FCF1: variants seen among roughly 807,000 people sequenced by gnomAD.
FCF1 encodes the protein FCF1 rRNA-processing protein.
In FCF1, 17 loss-of-function variants were observed where a neutral mutation model predicts 32.5. The ratio of observed to expected loss-of-function variants is 0.52; its 90% CI spans 0.36 to 0.78. The LOEUF (loss-of-function observed/expected upper bound fraction) is 0.78, where lower values mean the gene tolerates loss of function less well. FCF1 is among the 30% of genes least tolerant of loss of function. FCF1 has a pLI of 0.00. For missense variants in FCF1, 201 were observed against 241.1 expected (o/e 0.83, Z 1.10); for synonymous variants, 84 against 78.4 (o/e 1.07, Z -0.38).
At chr14:74,733,678 G>C (rs1194348955) in intron 6 of FCF1, among the ~76,000 whole-genome samples, 1 of 152,118 alleles carries the variant, frequency 6.6e-6, no homozygotes, top group African/African-American at 2.4e-5. Context: ...CCAAGATCTA[G>C]GGAAAGGAGG....
At chr14:74,715,680 T>C in intron 3 of FCF1, 2 of 528,650 alleles carry the variant, frequency 3.8e-6, no homozygotes, top group Non-Finnish European at 6.6e-6. Flanking sequence ...CTACTTTTGC[T>C]AGAGGAAGAG....
rs1424873967 is a variant in FCF1 at position 74,723,431 on chromosome 14, T to C, written c.365+87T>C. 1.0e-5 allele frequency: 10 copies of C among 996,334 alleles called. No homozygotes were observed. In the East Asian group the frequency reaches 2.6e-4, roughly 26 times the overall value. 61.7% of individuals were successfully genotyped at this position (996,334 alleles called of 1,614,324 possible). A position where few individuals can be genotyped will look rare whatever the true frequency, so the allele number is the denominator to read the frequency against. ...GTTTAAAGATTTCTTGGCCAGTTAG[T>C]TGTGAAAATCATACAAAACTATTTA... On this transcript the variant is annotated intron_variant, in intron 5 of 7. Transcript: ENST00000341162.
intron 5 of FCF1, among the ~76,000 whole-genome samples, chr14:74,730,206 C>CTT (rs869067896): frequency 3.5e-4 from 38 of 109,356 alleles, no homozygotes; most frequent in East Asian, 5.1e-4. Context: ...TGTGTATATG[C>CTT]TTTTTTTTTT....
intron 4 of FCF1, among the ~76,000 whole-genome samples, chr14:74,718,298 A>G (rs1273226397): frequency 1.3e-5 from 2 of 152,224 alleles, no homozygotes; most frequent in Admixed American, 1.3e-4. Flanking sequence ...TTTGCTTCCC[A>G]TTGGCTTTCT....
chr14:74,716,717 A>G (rs1043570779), intron 4 of FCF1, among the ~76,000 whole-genome samples: 4 of 152,244 alleles, frequency 2.6e-5, no homozygotes, highest in South Asian at 2.1e-4. Flanking sequence ...AAGGCCATCT[A>G]TGAAGCCTAT....
At chr14:74,725,645 G>A (rs957286449) in intron 5 of FCF1, among the ~76,000 whole-genome samples, 7 of 151,730 alleles carry the variant, frequency 4.6e-5, no homozygotes, top group Non-Finnish European at 8.8e-5. Flanking sequence ...AAAATTTGCC[G>A]GGCGGCCAGC....
chr14:74,722,531 A>G (rs986935375), intron 4 of FCF1, among the ~76,000 whole-genome samples: 18 of 151,952 alleles, frequency 1.2e-4, no homozygotes, highest in African/African-American at 4.4e-4. Flanking sequence ...TTAAACTATT[A>G]TATGGCTTTC....
Position 74,737,317 on chromosome 14 carries a change from T to C in FCF1, c.*2387T>C, listed in dbSNP as rs1315798243. The C allele has an allele frequency of 1.3e-5, 2 of 152,310 alleles. No individual in the cohort carries two copies. The highest frequency in any genetic ancestry group is 4.8e-5 in the African/African-American group (2 of 41,414). 9.4% of individuals were successfully genotyped at this position (152,310 alleles called of 1,614,324 possible). On this transcript the variant is annotated 3_prime_UTR_variant, in exon 8 of 8. Coordinates refer to ENST00000341162, the MANE Select transcript of FCF1 (RefSeq NM_015962.5). Reference sequence around the variant, plus strand: ...TTGCAACGAGCCGAGATCACGCCACTGCACTCCAGCCTGGGCGACAGAGTG... The same window carrying C: ...TTGCAACGAGCCGAGATCACGCCACCGCACTCCAGCCTGGGCGACAGAGTG...
intron 4 of FCF1, among the ~76,000 whole-genome samples, chr14:74,717,210 G>C (rs547139085): frequency 7.2e-5 from 11 of 152,242 alleles, no homozygotes; most frequent in African/African-American, 2.6e-4. Context: ...ACAAAAATTA[G>C]CTGGGCGTGG....
At chr14:74,730,783 T>C (rs2090625631) in intron 5 of FCF1, among the ~76,000 whole-genome samples, 1 of 152,196 alleles carries the variant, frequency 6.6e-6, no homozygotes, top group African/African-American at 2.4e-5. Context: ...GCAGATCATC[T>C]GAGGTCGGGA....
chr14:74,723,177 T>G (rs1006798810), intron 4 of FCF1, 95 bp from the exon 5 acceptor site: 3 of 849,782 alleles, frequency 3.5e-6, no homozygotes, highest in Non-Finnish European at 6.0e-6. Context: ...ATTGCAAAAG[T>G]GTCCTGGGTC....
chr14:74,732,972 G>A (rs1052340705), intron 6 of FCF1, among the ~76,000 whole-genome samples, 154 bp downstream of exon 6: 9 of 152,076 alleles, frequency 5.9e-5, no homozygotes, highest in African/African-American at 2.2e-4. Flanking sequence ...AGAAGCATAG[G>A]TGTCTTCATT....
chr14:74,723,068 CAG>C (rs2090527668), intron 4 of FCF1, among the ~76,000 whole-genome samples: 1 of 152,022 alleles, frequency 6.6e-6, no homozygotes, highest in South Asian at 2.1e-4. Context: ...ATGTTTATAA[CAG>C]GGAATCTGCA....
At chr14:74,732,632 G>A in intron 5 of FCF1, 99 bp from the exon 6 acceptor site, 1 of 792,750 alleles carries the variant, frequency 1.3e-6, no homozygotes. Context: ...GGAGAACAGT[G>A]CCTTAAAATC....
chr14:74,731,281 G>C (rs548925572), intron 5 of FCF1, among the ~76,000 whole-genome samples: 1 of 152,150 alleles, frequency 6.6e-6, no homozygotes, highest in Admixed American at 6.5e-5. Context: ...TTTGTCTTAA[G>C]GCAGAGAATA....
chr14:74,713,639 G>T, intron 2 of FCF1, 87 bp downstream of exon 2: 1 of 1,220,836 alleles, frequency 8.2e-7, no homozygotes, highest in East Asian at 2.5e-5. Flanking sequence ...TTATTATTTT[G>T]TTTTTTGCTT....
chr14:74,725,609 T>C (rs950684925), intron 5 of FCF1, among the ~76,000 whole-genome samples: 3 of 149,830 alleles, frequency 2.0e-5, no homozygotes, highest in African/African-American at 7.4e-5. Context: ...GCCAACATAA[T>C]GAGACCCTGG....
intron 5 of FCF1, among the ~76,000 whole-genome samples, chr14:74,726,565 G>GGAGTTCC (rs1465247187): frequency 6.6e-6 from 1 of 151,056 alleles, no homozygotes; most frequent in African/African-American, 2.4e-5. Context: ...CCTGAGCCTA[G>GGAGTTCC]GAGTTTCAAG....
In FCF1 at chr14:74,732,726, T is replaced by A. The variant is rs2090655457; in HGVS notation, c.366-5T>A. Reference sequence around the variant, plus strand: ...GATTGAATGTTTTCTTTAATCCACCTACAGGATTGCCAAGGATCCAAGATT... The same window carrying A: ...GATTGAATGTTTTCTTTAATCCACCAACAGGATTGCCAAGGATCCAAGATT... On this transcript the variant is annotated splice_polypyrimidine_tract_variant and splice_region_variant and intron_variant, in intron 5 of 7. Coordinates refer to ENST00000341162, the MANE Select transcript of FCF1 (RefSeq NM_015962.5). 2 of 1,602,688 alleles carry A rather than the reference T, an allele frequency of 1.2e-6. No individual in the cohort carries two copies. The highest frequency in any genetic ancestry group is 3.4e-5 in the Admixed American group (2 of 59,594).
Sources: gnomAD v4.1 joint callset for allele counts (sites outside exome capture counted in the v4.1 genomes callset) on GRCh38, gnomAD v4.1.1 for gene constraint, MANE v1.5 for transcripts, NCBI Gene and HGNC (gene_info 2026-07-23, HGNC 2026-07-21) for gene names.